Variants in NRXN3 observed in about 807,000 individuals in gnomAD.
NRXN3 encodes neurexin III.
In NRXN3, 32 loss-of-function variants were observed where a neutral mutation model predicts 137.6. The observed-to-expected ratio is 0.23, with a 90% CI of 0.18 to 0.31. NRXN3 has a LOEUF of 0.31. Ranked by LOEUF, NRXN3 falls within the 10% of genes least tolerant of loss-of-function variation. The pLI, the probability that NRXN3 is intolerant of heterozygous loss-of-function variation, is 1.00. For missense variants in NRXN3, 1,574 were observed against 2,062.5 expected, an observed-to-expected ratio of 0.76 and a Z score of 4.59; for synonymous variants, 798 against 784.5, an observed-to-expected ratio of 1.02 and a Z score of -0.29.
chr14:79,834,353 T>C (rs968741025), intron 20 of NRXN3, among the ~76,000 whole-genome samples: 1 of 152,138 alleles, frequency 6.6e-6, no homozygotes, highest in Non-Finnish European at 1.5e-5. Flanking sequence ...GATTTTCAAG[T>C]ACTGCTCTTA....
At chr14:79,305,551 G>A (rs1328351476) in intron 15 of NRXN3, among the ~76,000 whole-genome samples, 1 of 152,062 alleles carries the variant, frequency 6.6e-6, no homozygotes, top group Non-Finnish European at 1.5e-5. Context: ...AGGGAACTGA[G>A]GTTCATAGAA....
rs993261113 is a variant in NRXN3, at chr14:78,941,228, A to G, written c.2276-16014A>G. ...AGTAGAAAGTCAGGTTATTGAGACCAGGATGATCTACGCTGCATCTAACTG... is the reference window on the plus strand; with the variant it reads ...AGTAGAAAGTCAGGTTATTGAGACCGGGATGATCTACGCTGCATCTAACTG... On this transcript the variant is annotated intron_variant, in intron 10 of 20. Transcript: ENST00000335750. Among the ~76,000 whole-genome samples the G allele has an allele frequency of 3.3e-5, 5 of 152,328 alleles. No homozygotes were observed. In the South Asian group the frequency reaches 8.3e-4, roughly 25 times the overall value.
chr14:78,577,664 C>T (rs2096950545), intron 4 of NRXN3, among the ~76,000 whole-genome samples: 1 of 152,150 alleles, frequency 6.6e-6, no homozygotes. Flanking sequence ...GGGGTTTCTC[C>T]ATGTTGGTCA....
rs1030717616 is a variant in NRXN3, at chr14:79,863,454, A to G, written c.*1490A>G. 2 of 152,302 alleles carry G rather than the reference A, an allele frequency of 1.3e-5. No individual in the cohort carries two copies. The highest frequency in any genetic ancestry group is 2.9e-5 in the Non-Finnish European group (2 of 67,972). 9.4% of individuals were successfully genotyped at this position (152,302 alleles called of 1,614,324 possible). On this transcript the variant is annotated 3_prime_UTR_variant, in exon 21 of 21. Coordinates refer to ENST00000335750, the MANE Select transcript of NRXN3 (RefSeq NM_001330195.2). Reference sequence around the variant, plus strand: ...AAATAGCAAAACAACAAAAAAGCAAACCTTAAAATGTGAAGAAAGTGTGAA... The same window carrying G: ...AAATAGCAAAACAACAAAAAAGCAAGCCTTAAAATGTGAAGAAAGTGTGAA...
chr14:78,567,591 T>G (rs2096848091), intron 4 of NRXN3, among the ~76,000 whole-genome samples: 1 of 152,188 alleles, frequency 6.6e-6, no homozygotes. Context: ...AGTGAGTGTC[T>G]CCTAGTTATA....
At chr14:78,523,192 GT>G (rs377653342) in intron 4 of NRXN3, among the ~76,000 whole-genome samples, 34 of 152,298 alleles carry the variant, frequency 2.2e-4, no homozygotes, top group African/African-American at 4.6e-4. Context: ...TGAGGGATCA[GT>G]TGGTTGGCCA....
At chr14:79,416,671 A>T (rs1159572118) in intron 15 of NRXN3, among the ~76,000 whole-genome samples, 1 of 152,128 alleles carries the variant, frequency 6.6e-6, no homozygotes, top group Non-Finnish European at 1.5e-5. Context: ...CAAAACCTTC[A>T]TCCACACAGC....
At chr14:78,899,040 A>G (rs542974039) in intron 10 of NRXN3, among the ~76,000 whole-genome samples, 2 of 152,044 alleles carry the variant, frequency 1.3e-5, no homozygotes, top group South Asian at 2.1e-4. Context: ...TGTAAGCATA[A>G]TTTCTCAGCT....
chr14:79,713,339 A>ACTT (rs1257598845), intron 19 of NRXN3, among the ~76,000 whole-genome samples: 1 of 149,756 alleles, frequency 6.7e-6, no homozygotes, highest in Non-Finnish European at 1.5e-5. Context: ...TGGCATCCTG[A>ACTT]CTTTGGTATG....
chr14:79,299,748 T>C (rs2084821852), intron 15 of NRXN3, among the ~76,000 whole-genome samples: 1 of 152,046 alleles, frequency 6.6e-6, no homozygotes, highest in Non-Finnish European at 1.5e-5. Flanking sequence ...GACAGACAAT[T>C]TTCTCCTTTC....
At chr14:79,711,605 G>A (rs1052435877) in intron 19 of NRXN3, among the ~76,000 whole-genome samples, 1 of 152,136 alleles carries the variant, frequency 6.6e-6, no homozygotes, top group African/African-American at 2.4e-5. Context: ...AGCCACTGTG[G>A]TTGGCCTAAG....
chr14:78,613,737 A>G (rs2097321917), intron 4 of NRXN3, among the ~76,000 whole-genome samples: 1 of 152,052 alleles, frequency 6.6e-6, no homozygotes, highest in Admixed American at 6.6e-5. Flanking sequence ...GAGAAAAATA[A>G]AGCCGGGACA....
intron 15 of NRXN3, among the ~76,000 whole-genome samples, chr14:79,241,905 A>G (rs1379449134): frequency 2.6e-5 from 4 of 151,994 alleles, no homozygotes; most frequent in Non-Finnish European, 1.5e-5. Flanking sequence ...CATCTCTACT[A>G]AAAATACAAA....
At chr14:79,201,167 T>C (rs2065943912) in intron 15 of NRXN3, 1 of 152,140 alleles carries the variant, frequency 6.6e-6, no homozygotes, top group Admixed American at 6.5e-5. Flanking sequence ...AATGAAATGA[T>C]GATGACCCTT....
At chr14:78,723,972 C>T (rs2098471753) in intron 8 of NRXN3, among the ~76,000 whole-genome samples, 1 of 151,990 alleles carries the variant, frequency 6.6e-6, no homozygotes, top group Admixed American at 6.6e-5. Flanking sequence ...TTTTGTAATC[C>T]CGGGTTTTAA....
At chr14:79,225,765 T>C (rs985665241) in intron 15 of NRXN3, among the ~76,000 whole-genome samples, 1 of 152,230 alleles carries the variant, frequency 6.6e-6, no homozygotes, top group Non-Finnish European at 1.5e-5. Context: ...GCAAATGTTT[T>C]CTGCTCATTT....
intron 4 of NRXN3, among the ~76,000 whole-genome samples, chr14:78,431,993 G>A (rs189866135): frequency 2.0e-5 from 3 of 152,178 alleles, no homozygotes; most frequent in Admixed American, 6.5e-5. Context: ...GATTTTAACC[G>A]GGGTATTCAG....
At chr14:78,326,308 C>T (rs1215650063) in intron 4 of NRXN3, among the ~76,000 whole-genome samples, 2 of 152,144 alleles carry the variant, frequency 1.3e-5, no homozygotes, top group Non-Finnish European at 2.9e-5. Flanking sequence ...CTTTTGGCTG[C>T]TTGCAGCCTT....
chr14:79,816,459 T>A (rs183925665), intron 20 of NRXN3, among the ~76,000 whole-genome samples: 1 of 152,218 alleles, frequency 6.6e-6, no homozygotes, highest in East Asian at 1.9e-4. Context: ...AAATTAGAAC[T>A]CCTGATTACT....
Sources: allele counts gnomAD v4.1 joint callset (sites outside exome capture counted in the v4.1 genomes callset), GRCh38; gene constraint gnomAD v4.1.1; transcripts MANE v1.5; gene names NCBI Gene and HGNC (gene_info 2026-07-23, HGNC 2026-07-21).